RAPGEF2: variants seen among roughly 807,000 people sequenced by gnomAD.
The protein encoded by RAPGEF2 is PDZ domain containing guanine nucleotide exchange factor (GEF) 1.
RAPGEF2 carries 54 observed loss-of-function variants against 186.7 expected under a neutral mutation model. The ratio of observed to expected loss-of-function variants is 0.29; its 90% CI spans 0.23 to 0.36. RAPGEF2 has a LOEUF of 0.36. Ranked by LOEUF, RAPGEF2 falls within the 10% of genes least tolerant of loss-of-function variation. RAPGEF2 has a pLI of 1.00. For missense variants in RAPGEF2, 1,532 were observed against 2,045.0 expected (o/e 0.75, Z 4.84); for synonymous variants, 712 against 705.9 (o/e 1.01, Z -0.14).
At chr4:159,292,322 T>C (rs1282066343) in intron 7 of RAPGEF2, among the ~76,000 whole-genome samples, 2 of 152,160 alleles carry the variant, frequency 1.3e-5, no homozygotes, top group African/African-American at 4.8e-5. Flanking sequence ...TCTTAGTGTG[T>C]TTGTTGCTGA....
intron 7 of RAPGEF2, among the ~76,000 whole-genome samples, chr4:159,278,280 C>T (rs986363034): frequency 2.0e-5 from 3 of 152,110 alleles, no homozygotes; most frequent in African/African-American, 7.2e-5. Context: ...TTTCTGAGGG[C>T]ACATCAGAGT....
chr4:159,186,547 C>A, intron 1 of RAPGEF2, 95 bp from the exon 2 acceptor site: 1 of 528,318 alleles, frequency 1.9e-6, no homozygotes, highest in Non-Finnish European at 3.2e-6. Context: ...AAAAGCTATC[C>A]ATAGTTTAAT....
In RAPGEF2 at chr4:159,358,372, C is replaced by G; in HGVS notation, c.*233C>G. The stretch of plus-strand genomic sequence containing the variant: ...TTCAGACTTTGTTGCTTGAAATGCA[C>G]AGTGCAGCAATCTTCGAGCTCCCAC... On this transcript the variant is annotated 3_prime_UTR_variant, in exon 30 of 30. Coordinates refer to ENST00000691494, the MANE Select transcript of RAPGEF2 (RefSeq NM_001394067.2). The G allele has an allele frequency of 1.9e-6, 1 of 529,472 alleles. No individual in the cohort carries two copies. Among genetic ancestry groups the G allele is most frequent in the African/African-American group, 1.9e-5 (1 of 52,432 alleles). The allele number at this position is 529,472 out of a possible 1,614,324, so 32.8% of individuals were successfully genotyped here. A position where few individuals can be genotyped will look rare whatever the true frequency, so the allele number is the denominator to read the frequency against.
intron 1 of RAPGEF2, among the ~76,000 whole-genome samples, chr4:159,129,705 A>G (rs1353665967): frequency 6.6e-6 from 1 of 152,340 alleles, no homozygotes; most frequent in East Asian, 1.9e-4. Flanking sequence ...AAAGACTTTT[A>G]CAAAATGAAG....
At position 159,359,365 on chromosome 4, in the gene RAPGEF2, C is replaced by T. The variant is rs2111369731; in HGVS notation, c.*1226C>T. The stretch of plus-strand genomic sequence containing the variant: ...AGCCTTTGCAAGGCAGGTTAGTCAC[C>T]AAAGACTAACCTCCAAGTGGCTTTA... On this transcript the variant is annotated 3_prime_UTR_variant, in exon 30 of 30. Transcript: ENST00000691494. The T allele has an allele frequency of 6.6e-6, 1 of 152,196 alleles. No individual in the cohort carries two copies. Among genetic ancestry groups the T allele is most frequent in the Middle Eastern group, 3.4e-3 (1 of 294 alleles). 9.4% of individuals were successfully genotyped at this position (152,196 alleles called of 1,614,324 possible).
intron 1 of RAPGEF2, among the ~76,000 whole-genome samples, chr4:159,120,570 T>G (rs1305518506): frequency 6.6e-6 from 1 of 152,248 alleles, no homozygotes; most frequent in Non-Finnish European, 1.5e-5. Flanking sequence ...ATACATAAAC[T>G]GCTCTTAATG....
chr4:159,194,391 T>C (rs1044384756), intron 3 of RAPGEF2, among the ~76,000 whole-genome samples: 1 of 152,120 alleles, frequency 6.6e-6, no homozygotes, highest in Non-Finnish European at 1.5e-5. Context: ...CCCTCCTAAA[T>C]AACATGTTAT....
Position 159,322,329 on chromosome 4 carries a change from A to G in RAPGEF2, c.854-18A>G, listed in dbSNP as rs76390753. 1,380 of 1,610,738 alleles carry G rather than the reference A, an allele frequency of 8.6e-4. 11 individuals are homozygous for G. The African/African-American group carries it at 0.016, about 19-fold the overall frequency. On this transcript the variant is annotated intron_variant, in intron 9 of 29. Coordinates refer to ENST00000691494, the MANE Select transcript of RAPGEF2 (RefSeq NM_001394067.2). ...ATAAAAGTAGTAGTTTTTACAAAGTATGTCTTTTGCTTTTCAGAACAACTC... is the reference window on the plus strand; with the variant it reads ...ATAAAAGTAGTAGTTTTTACAAAGTGTGTCTTTTGCTTTTCAGAACAACTC...
At chr4:159,321,835 T>G (rs960095429) in intron 9 of RAPGEF2, among the ~76,000 whole-genome samples, 1 of 152,158 alleles carries the variant, frequency 6.6e-6, no homozygotes, top group Non-Finnish European at 1.5e-5. Context: ...CATTTTCATT[T>G]ATCATATCAT....
rs13103795 is a variant in RAPGEF2 at position 159,339,488 on chromosome 4, T to G, written c.2534+134T>G. 3.7e-3 allele frequency: 4,398 copies of G among 1,193,884 alleles called. 18 individuals are homozygous for G. The highest frequency in any genetic ancestry group is 4.5e-3 in the Non-Finnish European group (3,848 of 862,308). The allele number at this position is 1,193,884 out of a possible 1,614,324, so 74.0% of individuals were successfully genotyped here. On this transcript the variant is annotated intron_variant, in intron 19 of 29. Coordinates refer to ENST00000691494, the MANE Select transcript of RAPGEF2 (RefSeq NM_001394067.2). ...GCGATTAAAAAGTATTGTTGTTGTT[T>G]TTTTTTTCCTTTCACCAAGAATTAC...
chr4:159,143,943 A>T (rs77241120), intron 1 of RAPGEF2, among the ~76,000 whole-genome samples: 3,127 of 152,266 alleles, frequency 0.021, 105 homozygotes, highest in African/African-American at 0.071. Context: ...GTTTGTTCAG[A>T]GACGTTATTT....
At chr4:159,264,486 C>T (rs1445609684) in intron 7 of RAPGEF2, among the ~76,000 whole-genome samples, 1 of 152,170 alleles carries the variant, frequency 6.6e-6, no homozygotes, top group Non-Finnish European at 1.5e-5. Flanking sequence ...AGTGTTTTGG[C>T]ACATGGATAT....
At chr4:159,327,033 G>A (rs927676590) in intron 11 of RAPGEF2, 1 of 152,156 alleles carries the variant, frequency 6.6e-6, no homozygotes, top group African/African-American at 2.4e-5. Context: ...CCTCTTCCTG[G>A]AATCATAGGC....
intron 7 of RAPGEF2, among the ~76,000 whole-genome samples, chr4:159,288,320 C>T (rs966735439): frequency 1.3e-5 from 2 of 152,088 alleles, no homozygotes; most frequent in Admixed American, 6.6e-5. Context: ...AGTATTGTAG[C>T]GATTTGTGAT....
chr4:159,286,231 A>C (rs765593147), intron 7 of RAPGEF2, among the ~76,000 whole-genome samples: 18 of 152,018 alleles, frequency 1.2e-4, no homozygotes, highest in Non-Finnish European at 2.2e-4. Flanking sequence ...AGGTTGCTCA[A>C]ACCTCTGTAT....
intron 7 of RAPGEF2, among the ~76,000 whole-genome samples, chr4:159,251,232 C>T (rs988341123): frequency 1.2e-4 from 18 of 152,246 alleles, no homozygotes; most frequent in East Asian, 3.9e-4. Flanking sequence ...CGTGGGCTCC[C>T]GTGCTGCCTG....
intron 1 of RAPGEF2, among the ~76,000 whole-genome samples, chr4:159,168,433 C>G (rs1745561082): frequency 6.6e-6 from 1 of 151,802 alleles, no homozygotes; most frequent in Non-Finnish European, 1.5e-5. Context: ...CCTTGGCCTC[C>G]CCTTTTTATT....
intron 7 of RAPGEF2, chr4:159,282,384 C>G (rs996909331): frequency 2.2e-5 from 4 of 181,704 alleles, no homozygotes; most frequent in Non-Finnish European, 4.6e-5. Flanking sequence ...TCCCTAAGTA[C>G]TTCAATTTTT....
chr4:159,168,016 A>G (rs1003665768), intron 1 of RAPGEF2, among the ~76,000 whole-genome samples: 1 of 152,246 alleles, frequency 6.6e-6, no homozygotes, highest in Non-Finnish European at 1.5e-5. Context: ...ATATGTGTAA[A>G]TATGTATGAT....
Sources: allele counts gnomAD v4.1 joint callset (sites outside exome capture counted in the v4.1 genomes callset), GRCh38; gene constraint gnomAD v4.1.1; transcripts MANE v1.5; gene names NCBI Gene and HGNC (gene_info 2026-07-23, HGNC 2026-07-21).